Variants in SPAG16 observed in about 807,000 individuals in gnomAD.
SPAG16 encodes sperm-associated antigen 16 protein.
Under a neutral mutation model 80.4 loss-of-function variants are expected in SPAG16, and 86 were observed. That is an observed-to-expected ratio of 1.07 (90% confidence interval 0.90 to 1.28). SPAG16 has a LOEUF of 1.28. SPAG16 is among the 50% of genes most tolerant of loss of function. The pLI, the probability that SPAG16 is intolerant of heterozygous loss-of-function variation, is 0.00. For synonymous variants in SPAG16, 294 were observed against 265.9 expected, an observed-to-expected ratio of 1.11 and a Z score of -1.03; for missense variants, 870 against 765.3, an observed-to-expected ratio of 1.14 and a Z score of -1.61.
At chr2:213,310,378 C>T (rs923672752) in intron 4 of SPAG16, among the ~76,000 whole-genome samples, 1 of 146,256 alleles carries the variant, frequency 6.8e-6, no homozygotes, top group African/African-American at 2.5e-5. Flanking sequence ...ACACACAAAT[C>T]AGAATAGCAG....
intron 15 of SPAG16, among the ~76,000 whole-genome samples, chr2:214,179,188 GA>G (rs2057228913): frequency 6.6e-6 from 1 of 151,360 alleles, no homozygotes. Context: ...TGCCAAATTA[GA>G]AAAGCTGGAC....
intron 3 of SPAG16, among the ~76,000 whole-genome samples, chr2:213,308,102 C>T (rs974379759): frequency 2.6e-5 from 4 of 152,082 alleles, no homozygotes; most frequent in South Asian, 2.1e-4. Context: ...CTTGCCAATG[C>T]GAAGAAAATG....
intron 15 of SPAG16, among the ~76,000 whole-genome samples, chr2:214,160,250 A>G (rs1244478527): frequency 6.6e-6 from 1 of 151,984 alleles, no homozygotes; most frequent in Non-Finnish European, 1.5e-5. Flanking sequence ...AATTAAATTA[A>G]TGGACTCAGT....
At chr2:213,640,538 G>T (rs1414450348) in intron 10 of SPAG16, among the ~76,000 whole-genome samples, 1 of 152,168 alleles carries the variant, frequency 6.6e-6, no homozygotes, top group South Asian at 2.1e-4. Flanking sequence ...GCCACCCAGT[G>T]GGGCTACAGG....
At chr2:213,970,333 A>G (rs2044965083) in intron 12 of SPAG16, among the ~76,000 whole-genome samples, 1 of 150,564 alleles carries the variant, frequency 6.6e-6, no homozygotes, top group Non-Finnish European at 1.5e-5. Context: ...TATAGATAGC[A>G]TCTTATTGTG....
At chr2:213,692,797 G>A (rs2064999446) in intron 10 of SPAG16, among the ~76,000 whole-genome samples, 1 of 146,662 alleles carries the variant, frequency 6.8e-6, no homozygotes, top group Non-Finnish European at 1.5e-5. Context: ...GTGAAAGTGC[G>A]AGACTCGGTC....
chr2:213,708,558 C>A (rs2065851449), intron 10 of SPAG16, among the ~76,000 whole-genome samples: 1 of 152,012 alleles, frequency 6.6e-6, no homozygotes, highest in Non-Finnish European at 1.5e-5. Flanking sequence ...CTTTTGGAAG[C>A]CAAGGTGGGT....
chr2:213,410,768 C>T (rs750562238), intron 9 of SPAG16, among the ~76,000 whole-genome samples: 52 of 152,172 alleles, frequency 3.4e-4, no homozygotes, highest in Non-Finnish European at 1.0e-4. Context: ...CAGATTGTCC[C>T]CTTTCCACTA....
chr2:214,211,769 A>C (rs1357755415), intron 15 of SPAG16, among the ~76,000 whole-genome samples: 1 of 152,140 alleles, frequency 6.6e-6, no homozygotes, highest in Non-Finnish European at 1.5e-5. Flanking sequence ...GCAAATTGTC[A>C]AGTAAGCTTG....
chr2:214,088,924 C>G (rs7578892), intron 13 of SPAG16, among the ~76,000 whole-genome samples: 72,311 of 151,900 alleles, frequency 0.48, 17,432 homozygotes, highest in Non-Finnish European at 0.52. Context: ...AAAAATGGCA[C>G]ACCAATTTCA....
intron 15 of SPAG16, among the ~76,000 whole-genome samples, chr2:214,205,959 C>A (rs1247326838): frequency 6.6e-6 from 1 of 151,958 alleles, no homozygotes; most frequent in East Asian, 1.9e-4. Flanking sequence ...CTTTGAGAGG[C>A]CGAGGTGGGC....
chr2:214,040,048 C>T (rs1255838236), intron 13 of SPAG16, among the ~76,000 whole-genome samples: 1 of 152,034 alleles, frequency 6.6e-6, no homozygotes, highest in Admixed American at 6.6e-5. Context: ...AGCCAATGGT[C>T]GTCAGACATG....
chr2:213,730,027 C>G (rs753883199), intron 10 of SPAG16, among the ~76,000 whole-genome samples: 20 of 152,324 alleles, frequency 1.3e-4, no homozygotes, highest in Non-Finnish European at 2.4e-4. Context: ...ATTTGATTTT[C>G]ATTTATAAAT....
At chr2:213,285,948 A>G (rs2062040982) in intron 1 of SPAG16, 1 of 1,278,830 alleles carries the variant, frequency 7.8e-7, no homozygotes, top group Non-Finnish European at 1.0e-6. Flanking sequence ...TTTTGTTTGC[A>G]TTAAAATTAT....
intron 10 of SPAG16, among the ~76,000 whole-genome samples, chr2:213,653,584 T>C (rs1292638181): frequency 6.6e-6 from 1 of 152,238 alleles, no homozygotes; most frequent in African/African-American, 2.4e-5. Context: ...CCTTGGTGTT[T>C]TATGAATTTC....
At chr2:213,373,888 G>T (rs901397633) in intron 8 of SPAG16, among the ~76,000 whole-genome samples, 1 of 152,132 alleles carries the variant, frequency 6.6e-6, no homozygotes, top group African/African-American at 2.4e-5. Context: ...TTATTATCAG[G>T]TTGACACCCC....
intron 14 of SPAG16, among the ~76,000 whole-genome samples, chr2:214,138,152 A>G (rs535552221): frequency 7.9e-5 from 12 of 152,244 alleles, no homozygotes; most frequent in African/African-American, 2.4e-4. Flanking sequence ...CAGAGAGCAA[A>G]GTCCAAAGGA....
At chr2:213,564,359 G>A (rs1170812691) in intron 10 of SPAG16, among the ~76,000 whole-genome samples, 1 of 152,074 alleles carries the variant, frequency 6.6e-6, no homozygotes. Context: ...GCCAGGTGTG[G>A]TGGCAGGTGC....
intron 13 of SPAG16, among the ~76,000 whole-genome samples, chr2:214,039,083 G>A (rs2048866784): frequency 6.6e-6 from 1 of 152,080 alleles, no homozygotes; most frequent in Non-Finnish European, 1.5e-5. Flanking sequence ...GGGTCAAATG[G>A]TATTTCTAGT....
Sources: allele counts gnomAD v4.1 joint callset (sites outside exome capture counted in the v4.1 genomes callset), GRCh38; gene constraint gnomAD v4.1.1; transcripts MANE v1.5; gene names NCBI Gene and HGNC (gene_info 2026-07-23, HGNC 2026-07-21).